The following SPTA1 variants were observed in gnomAD, a reference collection of about 807,000 sequenced individuals.
SPTA1 encodes the protein spectrin alpha, erythrocytic 1.
SPTA1 carries 177 observed loss-of-function variants against 324.7 expected under a neutral mutation model. The observed-to-expected ratio is 0.55, with a 90% CI of 0.48 to 0.62. The LOEUF (loss-of-function observed/expected upper bound fraction) is 0.62, where lower values mean the gene tolerates loss of function less well. Ranked by LOEUF, SPTA1 falls within the 20% of genes least tolerant of loss-of-function variation. SPTA1 has a pLI of 0.00. For synonymous variants in SPTA1, 1,195 were observed against 1,041.3 expected (o/e 1.15, Z -2.84); for missense variants, 3,162 against 2,883.6 (o/e 1.10, Z -2.21).
rs75015983 is a variant in SPTA1 at position 158,659,181 on chromosome 1, A to C, written c.2588-1487T>G. Among the ~76,000 whole-genome samples, 13 of 152,262 alleles carry C rather than the reference A, an allele frequency of 8.5e-5. No homozygotes were observed. The East Asian group carries it at 2.3e-3, about 27-fold the overall frequency. The stretch of plus-strand genomic sequence containing the variant: ...GAATTATAGGGTATATAACATGTAA[A>C]AATTTAAAATATGTGACACCAATAG... On this transcript the variant is annotated intron_variant, in intron 18 of 51. Coordinates refer to ENST00000643759, the MANE Select transcript of SPTA1 (RefSeq NM_003126.4).
intron 43 of SPTA1, among the ~76,000 whole-genome samples, chr1:158,621,985 C>A (rs1167570151): frequency 6.6e-6 from 1 of 152,212 alleles, no homozygotes; most frequent in African/African-American, 2.4e-5. Context: ...CTGCCTCAGC[C>A]TCCTGAGTAG....
chr1:158,620,840 G>GAAAAAAAAAAAAAAAAAAAAAAAAAATAA (rs200959019), intron 43 of SPTA1: 1 of 89,506 alleles, frequency 1.1e-5, no homozygotes, highest in Non-Finnish European at 2.2e-5. Flanking sequence ...TAGTAAACAT[G>GAAAAAAAAAAAAAAAAAAAAAAAAAATAA]AAAAAAAAAA....
At position 158,647,552 on chromosome 1, in the gene SPTA1, G is replaced by A; in HGVS notation, c.3883C>T (p.Leu1295Phe). ...ACCCCACTCTACCTGGCCTTGCTGA[G>A]GAACAGGTAGAATTTCTGGGCCTCA... is the stretch of plus-strand genomic sequence containing the variant. The part of the protein sequence containing the change: ...LNEAQKFYLF[L>F]SKARDLQNWI... Residue 1295 changes from leucine (L) to phenylalanine (F), a missense_variant, in exon 27 of 52, where the codon CTC becomes TTC. Transcript: ENST00000643759. The A allele has an allele frequency of 6.2e-7, 1 of 1,613,374 alleles. No individual in the cohort carries two copies. The highest frequency in any genetic ancestry group is 8.5e-7 in the Non-Finnish European group (1 of 1,179,860).
At chr1:158,669,886 G>A in intron 12 of SPTA1, 100 bp from the exon 13 acceptor site, 1 of 1,178,112 alleles carries the variant, frequency 8.5e-7, no homozygotes, top group Non-Finnish European at 1.3e-6. Context: ...ACAGCAATGT[G>A]GGAGGAGAAG....
intron 46 of SPTA1, 71 bp from the exon 47 acceptor site, chr1:158,617,659 C>G (rs750026700): frequency 3.3e-4 from 465 of 1,402,904 alleles, no homozygotes; most frequent in Non-Finnish European, 4.5e-4. Flanking sequence ...CATACCAACT[C>G]GAAGCTCCTC....
intron 50 of SPTA1, 50 bp downstream of exon 50, chr1:158,613,671 C>G (rs1185270401): frequency 3.7e-6 from 6 of 1,611,872 alleles, no homozygotes; most frequent in Non-Finnish European, 5.1e-6. Flanking sequence ...TGTGCTTCTC[C>G]CTCCAAACCC....
At chr1:158,677,872 G>C (rs1654507677) in intron 6 of SPTA1, 38 bp from the exon 7 acceptor site, 1 of 1,612,954 alleles carries the variant, frequency 6.2e-7, no homozygotes, top group Non-Finnish European at 8.5e-7. Context: ...AAAGAAGATA[G>C]CAAGCATTAC....
chr1:158,668,197 T>G (rs538147703), intron 14 of SPTA1, 135 bp from the exon 15 acceptor site: 48 of 990,984 alleles, frequency 4.8e-5, no homozygotes, highest in Middle Eastern at 3.2e-4. Flanking sequence ...GGAAGTTTCC[T>G]AGTCCAACGT....
chr1:158,626,771 T>C (rs1650300015), intron 41 of SPTA1, 68 bp downstream of exon 41: 4 of 1,602,286 alleles, frequency 2.5e-6, no homozygotes, highest in Non-Finnish European at 3.4e-6. Context: ...CCAGAGACCA[T>C]TCTACACATG....
rs1396712277 is a variant in SPTA1, at chr1:158,676,129, G to C, written c.1112+12C>G. The C allele has an allele frequency of 6.2e-7, 1 of 1,613,264 alleles. No individual in the cohort carries two copies. The highest frequency in any genetic ancestry group is 1.7e-5 in the Admixed American group (1 of 59,968). On this transcript the variant is annotated intron_variant, in intron 8 of 51. Transcript: ENST00000643759. ...GAGATAGGTAGAGCAATAAAGGGGA[G>C]GGATTTCCCACCAATAAGTAGCCTG...
rs1649498427 is a variant in SPTA1 at position 158,615,424 on chromosome 1, AG to A, written c.6601-22del. On this transcript the variant is annotated intron_variant, in intron 47 of 51. Coordinates refer to ENST00000643759, the MANE Select transcript of SPTA1 (RefSeq NM_003126.4). ...TTTCTCTGGAAAAACGACAGAGAAGAGAGACAATTAGTTGCCCAGGTTACCA... is the reference window on the plus strand; with the variant it reads ...TTTCTCTGGAAAAACGACAGAGAAGAAGACAATTAGTTGCCCAGGTTACCA... The A allele has an allele frequency of 2.5e-6, 4 of 1,613,464 alleles. No individual in the cohort carries two copies. The East Asian group carries it at 8.9e-5, about 36-fold the overall frequency.
In SPTA1 at chr1:158,659,595, A is replaced by ATTATTTTTTTTTTTTTTTTTT. The variant is rs1345384278; in HGVS notation, c.2587+1691_2587+1692insAAAAAAAAAAAAAAAAAATAA. On this transcript the variant is annotated intron_variant, in intron 18 of 51. Coordinates refer to ENST00000643759, the MANE Select transcript of SPTA1 (RefSeq NM_003126.4). ...AAAAGAAAATAATAGTCTTAGCATT[A>ATTATTTTTTTTTTTTTTTTTT]TTTTTTTTTTTTTTTTTTTTTTTTT... 7.1e-4 allele frequency among the ~76,000 whole-genome samples: 49 copies of ATTATTTTTTTTTTTTTTTTTT among 68,712 alleles called. 6 individuals are homozygous for ATTATTTTTTTTTTTTTTTTTT. The highest frequency in any genetic ancestry group is 1.3e-3 in the Non-Finnish European group (38 of 30,034). The allele number at this position is 68,712 out of a possible 152,430, so 45.1% of individuals were successfully genotyped here.
Position 158,617,579 on chromosome 1 carries a change from G to T in SPTA1, c.6558C>A (p.Leu2186=). 6.2e-7 allele frequency: 1 copy of T among 1,612,986 alleles called. No homozygotes were observed. Among genetic ancestry groups the T allele is most frequent in the South Asian group, 1.1e-5 (1 of 91,040 alleles). The change falls in exon 47 of 52, where the codon CTC becomes CTA. Residue 2186 remains leucine, a synonymous_variant. Transcript: ENST00000643759. ...GAGATTCCAGAGTTCCTGTTTCTTT[G>T]AGCAATGATCTAGTTAAGAACCGAA... The part of the protein sequence containing the change: ...TRAYFLDGSL[L]KETGTLESQL...
At chr1:158,666,211 CTTA>C (rs1307115103) in intron 16 of SPTA1, 102 bp downstream of exon 16, 10 of 1,159,528 alleles carry the variant, frequency 8.6e-6, no homozygotes, top group South Asian at 2.7e-5. Flanking sequence ...CTTATTATTA[CTTA>C]TTAAGTAATT....
intron 21 of SPTA1, among the ~76,000 whole-genome samples, chr1:158,653,704 A>G (rs1208763931): frequency 2.0e-5 from 3 of 152,172 alleles, no homozygotes; most frequent in Non-Finnish European, 2.9e-5. Flanking sequence ...ATGATGGGGC[A>G]CTTTGTTCAT....
chr1:158,620,317 G>T lies in SPTA1; in HGVS notation c.6270C>A (p.Ala2090=). 6.2e-7 allele frequency: 1 copy of T among 1,614,086 alleles called. No homozygotes were observed. Among genetic ancestry groups the T allele is most frequent in the Middle Eastern group, 1.7e-4 (1 of 6,014 alleles). The change falls in exon 44 of 52, where the codon GCC becomes GCA. Residue 2090 remains alanine (A), a synonymous_variant. Transcript: ENST00000643759. ...QLQKDHEDFL[A]SLARAQADFK... ...AGTCTGCTTGAGCCCTAGCCAGGGA[G>T]GCCAAGAAGTCCTCATGGTCTTTCT... is the stretch of plus-strand genomic sequence containing the variant.
At chr1:158,638,001 T>C in intron 36 of SPTA1, 32 bp downstream of exon 36, 1 of 1,603,938 alleles carries the variant, frequency 6.2e-7, no homozygotes, top group Non-Finnish European at 8.5e-7. Context: ...TCGCTTGTAT[T>C]ATCCACACAT....
chr1:158,612,458 C>T, intron 51 of SPTA1: 1 of 319,158 alleles, frequency 3.1e-6, no homozygotes, highest in East Asian at 8.2e-5. Context: ...TCTGTCTTCC[C>T]CACTACACCT....
At position 158,674,398 on chromosome 1, in the gene SPTA1, T is replaced by C. The variant is rs1654255419; in HGVS notation, c.1281A>G (p.Gln427=). 6.2e-7 allele frequency: 1 copy of C among 1,614,126 alleles called. No individual in the cohort carries two copies. The highest frequency in any genetic ancestry group is 8.5e-7 in the Non-Finnish European group (1 of 1,179,972). Residue 427 remains glutamine, a synonymous_variant, in exon 10 of 52, where the codon CAA becomes CAG. Coordinates refer to ENST00000643759, the MANE Select transcript of SPTA1 (RefSeq NM_003126.4). ...GGTCTTGACCAGTCTCATCAGCAGATTGAAATCGGTCATCGTAAGAGTCAA... is the reference window on the plus strand; with the variant it reads ...GGTCTTGACCAGTCTCATCAGCAGACTGAAATCGGTCATCGTAAGAGTCAA... The part of the protein sequence containing the change: ...HEIDSYDDRF[Q]SADETGQDLV...
Sources: gnomAD v4.1 joint callset for allele counts (sites outside exome capture counted in the v4.1 genomes callset) on GRCh38, gnomAD v4.1.1 for gene constraint, MANE v1.5 for transcripts, NCBI Gene and HGNC (gene_info 2026-07-23, HGNC 2026-07-21) for gene names.